MYO16: variants seen among roughly 807,000 people sequenced by gnomAD.
The protein encoded by MYO16 is myosin XVI.
In MYO16, 94 loss-of-function variants were observed where a neutral mutation model predicts 205.3. The observed-to-expected ratio is 0.46, with a 90% CI of 0.39 to 0.54. The LOEUF (loss-of-function observed/expected upper bound fraction) is 0.54. Among genes scored for constraint, MYO16 ranks in the 20% least tolerant of loss-of-function variants. The pLI is 0.00. For synonymous variants in MYO16, 988 were observed against 954.0 expected (o/e 1.04, Z -0.66); for missense variants, 2,315 against 2,387.5 (o/e 0.97, Z 0.63).
intron 23 of MYO16, among the ~76,000 whole-genome samples, chr13:109,022,005 A>G (rs188634852): frequency 7.3e-5 from 11 of 151,320 alleles, no homozygotes; most frequent in Admixed American, 6.0e-4. Context: ...AAGGCCTCAG[A>G]AGGCTGGGGT....
intron 13 of MYO16, among the ~76,000 whole-genome samples, chr13:108,885,453 G>A (rs1879823736): frequency 6.6e-6 from 1 of 152,138 alleles, no homozygotes; most frequent in East Asian, 1.9e-4. Context: ...GAAAGGCGCA[G>A]AGATGGGGGC....
the MYO16 span, among the ~76,000 whole-genome samples, chr13:108,545,262 T>G: frequency 2.6e-5 from 4 of 152,190 alleles, no homozygotes; most frequent in Admixed American, 2.6e-4. Context: ...AAGTATTTTG[T>G]TTTTCGTTCC....
chr13:109,141,767 T>C lies in MYO16; in HGVS notation c.5164+391T>C, dbSNP rs1414922256. 2.0e-5 allele frequency among the ~76,000 whole-genome samples: 3 copies of C among 152,224 alleles called. No individual in the cohort carries two copies. Among genetic ancestry groups the C allele is most frequent in the Non-Finnish European group, 4.4e-5 (3 of 68,036 alleles). Reference sequence around the variant, plus strand: ...GTATGTTTCTATCGCCGATTTCCGTTTGATGTACAGTTCACAGCTAATCCC... The same window carrying C: ...GTATGTTTCTATCGCCGATTTCCGTCTGATGTACAGTTCACAGCTAATCCC... On this transcript the variant is annotated intron_variant, in intron 32 of 34. Coordinates refer to ENST00000457511, the MANE Select transcript of MYO16 (RefSeq NM_001198950.3). The surrounding 1 kb of genome is among the most constrained non-coding windows in gnomAD (Gnocchi z 4.1).
rs1299480069 is a variant in MYO16 at position 108,666,235 on chromosome 13, A to G, written c.292+86A>G. On this transcript the variant is annotated intron_variant, in intron 2 of 34. Transcript: ENST00000457511. ...GGTTTGTTGTTTTTTTGATGGAGAGATGGGGCAGAAAAGTCCTTTTAAATA... is the reference window on the plus strand; with the variant it reads ...GGTTTGTTGTTTTTTTGATGGAGAGGTGGGGCAGAAAAGTCCTTTTAAATA... The G allele has an allele frequency of 2.1e-6, 3 of 1,408,040 alleles. No homozygotes were observed. In the African/African-American group the frequency reaches 4.3e-5, roughly 20 times the overall value. The allele number at this position is 1,408,040 out of a possible 1,614,324, so 87.2% of individuals were successfully genotyped here.
intron 34 of MYO16, among the ~76,000 whole-genome samples, chr13:109,180,055 A>T (rs564194948): frequency 1.6e-4 from 24 of 152,188 alleles, no homozygotes; most frequent in Non-Finnish European, 2.8e-4. Flanking sequence ...CATGCATCTT[A>T]TCTCAGTTAT....
upstream of MYO16, among the ~76,000 whole-genome samples, chr13:108,626,004 C>A (rs1594153531): frequency 6.6e-6 from 1 of 152,186 alleles, no homozygotes; most frequent in Non-Finnish European, 1.5e-5. Context: ...AGCTGTGTCT[C>A]ATGTATCCCA....
rs200831477 is a variant in MYO16 at position 109,141,516 on chromosome 13, TA to T, written c.5164+149del. 1.2e-4 allele frequency: 65 copies of T among 524,762 alleles called. No homozygotes were observed. Among genetic ancestry groups the T allele is most frequent in the South Asian group, 2.5e-4 (5 of 19,904 alleles). The allele number at this position is 524,762 out of a possible 1,614,324, so 32.5% of individuals were successfully genotyped here. A position where few individuals can be genotyped will look rare whatever the true frequency, so the allele number is the denominator to read the frequency against. ...GGTCGTTCAGAGCAGATATCAGCTT[TA>T]AAAAAAAATCGTATACACCCACTGT... is the stretch of plus-strand genomic sequence containing the variant. On this transcript the variant is annotated intron_variant, in intron 32 of 34. Transcript: ENST00000457511. This position sits in a 1 kb window ranked among gnomAD's most constrained non-coding sequence, Gnocchi z 4.1.
At chr13:108,943,850 G>A (rs1275078487) in intron 16 of MYO16, among the ~76,000 whole-genome samples, 1 of 152,244 alleles carries the variant, frequency 6.6e-6, no homozygotes, top group Non-Finnish European at 1.5e-5. Flanking sequence ...CTCCCAGAGT[G>A]CTGGGATTAC....
chr13:109,021,106 A>G (rs1352487019), intron 23 of MYO16, among the ~76,000 whole-genome samples: 3 of 152,134 alleles, frequency 2.0e-5, no homozygotes, highest in East Asian at 3.9e-4. Flanking sequence ...AGAAGGGGGG[A>G]CATTCTTGGA....
chr13:108,803,265 A>G (rs754311491), intron 6 of MYO16, among the ~76,000 whole-genome samples: 5 of 152,206 alleles, frequency 3.3e-5, no homozygotes, highest in Non-Finnish European at 2.9e-5. Context: ...GATCCAGCTG[A>G]GAACCAACAT....
At chr13:109,089,423 C>G (rs1053800612) in intron 27 of MYO16, among the ~76,000 whole-genome samples, 7 of 151,934 alleles carry the variant, frequency 4.6e-5, no homozygotes, top group African/African-American at 1.7e-4. Flanking sequence ...CATTTTGGGC[C>G]AAGCTGGTCT....
chr13:109,120,128 C>T (rs949142995), intron 28 of MYO16, among the ~76,000 whole-genome samples: 6 of 152,164 alleles, frequency 3.9e-5, no homozygotes, highest in African/African-American at 1.4e-4. Flanking sequence ...GTACAACCCA[C>T]ATCAGTAGTG....
At chr13:109,022,972 G>A (rs1175646950) in intron 23 of MYO16, among the ~76,000 whole-genome samples, 5 of 131,134 alleles carry the variant, frequency 3.8e-5, no homozygotes, top group East Asian at 4.4e-4. Flanking sequence ...ATATATACAC[G>A]TAAATATAGG....
chr13:108,536,444 G>C, the MYO16 span, among the ~76,000 whole-genome samples: 137 of 150,010 alleles, frequency 9.1e-4, no homozygotes, highest in African/African-American at 3.2e-3. Context: ...CTTGTTTCTT[G>C]GAGCTGTATT....
chr13:108,995,395 C>T (rs773146358), intron 21 of MYO16, among the ~76,000 whole-genome samples: 22 of 152,182 alleles, frequency 1.4e-4, no homozygotes, highest in Non-Finnish European at 2.8e-4. Flanking sequence ...GGAACACATT[C>T]AGACCATAGC....
At chr13:108,752,810 T>A (rs12861276) in intron 4 of MYO16, among the ~76,000 whole-genome samples, 1 of 8,096 alleles carries the variant, frequency 1.2e-4, no homozygotes, top group East Asian at 1.0e-3. Flanking sequence ...CCCAGCTAAT[T>A]TTTTTTTTTT....
At chr13:109,155,938 A>G (rs912322) in intron 32 of MYO16, among the ~76,000 whole-genome samples, 35,534 of 152,118 alleles carry the variant, frequency 0.23, 4,951 homozygotes, top group East Asian at 0.44. Context: ...TTATGCTATC[A>G]TGGAAAGGAA....
intron 11 of MYO16, among the ~76,000 whole-genome samples, chr13:108,865,907 G>A (rs771616463): frequency 4.6e-5 from 7 of 151,934 alleles, no homozygotes; most frequent in Non-Finnish European, 8.8e-5. Flanking sequence ...AATCTTTTAA[G>A]AAAAGAAATT....
chr13:109,026,165 C>T (rs528814314), intron 23 of MYO16, among the ~76,000 whole-genome samples: 1 of 152,190 alleles, frequency 6.6e-6, no homozygotes, highest in East Asian at 1.9e-4. Context: ...GAACGGGAGC[C>T]CTCCGAAAAT....
Sources: gnomAD v4.1 joint callset for allele counts (sites outside exome capture counted in the v4.1 genomes callset) on GRCh38, gnomAD v4.1.1 for gene constraint, Gnocchi (gnomAD v3.1) non-coding constraint, MANE v1.5 for transcripts, NCBI Gene and HGNC (gene_info 2026-07-23, HGNC 2026-07-21) for gene names.